The following NXPE2 variants were observed in gnomAD, a reference collection of about 807,000 sequenced individuals.
NXPE2 encodes neurexophilin and PC-esterase domain family member 2.
In NXPE2, 34 loss-of-function variants were observed where a neutral mutation model predicts 34.4. The observed-to-expected ratio is 0.99, with a 90% CI of 0.75 to 1.31. The LOEUF is 1.31. Ranked by LOEUF, NXPE2 falls within the 40% of genes most tolerant of loss-of-function variation. The pLI is 0.00. For missense variants in NXPE2, 649 were observed against 672.5 expected (o/e 0.97, Z 0.39); for synonymous variants, 235 against 231.3 (o/e 1.02, Z -0.15).
the NXPE2 span, among the ~76,000 whole-genome samples, chr11:114,521,392 A>G: frequency 6.6e-6 from 1 of 151,594 alleles, no homozygotes; most frequent in South Asian, 2.1e-4. Flanking sequence ...CAATGAAGAG[A>G]CTCCTTTGGG....
the NXPE2 span, among the ~76,000 whole-genome samples, chr11:114,621,409 C>T: frequency 3.3e-5 from 5 of 152,216 alleles, no homozygotes; most frequent in East Asian, 1.9e-4. Flanking sequence ...CCACAGTTAC[C>T]CTGTGGATAA....
At chr11:114,676,218 C>T (rs1311872426), upstream of NXPE2, among the ~76,000 whole-genome samples, 1 of 151,618 alleles carries the variant, frequency 6.6e-6, no homozygotes, top group African/African-American at 2.4e-5. Context: ...GATATGACTC[C>T]AAAAGCACAG....
At chr11:114,675,035 G>A (rs1198666446), upstream of NXPE2, among the ~76,000 whole-genome samples, 1 of 151,588 alleles carries the variant, frequency 6.6e-6, no homozygotes, top group Non-Finnish European at 1.5e-5. Context: ...CATATTAACA[G>A]AATGCAGGAT....
chr11:114,711,114 C>T (rs894592535), downstream of NXPE2, among the ~76,000 whole-genome samples: 5 of 152,110 alleles, frequency 3.3e-5, no homozygotes, highest in African/African-American at 4.8e-5. Context: ...AAGCCATACA[C>T]GAAAAGCCCA....
chr11:114,538,295 C>T, the NXPE2 span, among the ~76,000 whole-genome samples: 49 of 152,214 alleles, frequency 3.2e-4, no homozygotes, highest in African/African-American at 1.2e-3. Context: ...GGATTAAAGA[C>T]TTACATGTTT....
chr11:114,785,866 T>C, the NXPE2 span, among the ~76,000 whole-genome samples: 1 of 152,332 alleles, frequency 6.6e-6, no homozygotes, highest in East Asian at 1.9e-4. Context: ...ATTATTGCAC[T>C]TCCCAGGTGA....
chr11:114,618,617 G>T, the NXPE2 span, among the ~76,000 whole-genome samples: 160 of 152,084 alleles, frequency 1.1e-3, 1 homozygote, highest in Middle Eastern at 0.014. Flanking sequence ...AATAAGTATT[G>T]CCTTGTGAGT....
At chr11:114,675,957 C>G (rs1460872906), upstream of NXPE2, among the ~76,000 whole-genome samples, 1 of 151,818 alleles carries the variant, frequency 6.6e-6, no homozygotes, top group African/African-American at 2.4e-5. Context: ...TGTTTACAGT[C>G]AACTGATTTT....
At chr11:114,702,740 G>A (rs1815555474) in intron 3 of NXPE2, among the ~76,000 whole-genome samples, 1 of 152,078 alleles carries the variant, frequency 6.6e-6, no homozygotes, top group South Asian at 2.1e-4. Flanking sequence ...AAGTCAATGG[G>A]CCATAGTGCT....
chr11:114,618,688 GA>G, the NXPE2 span, among the ~76,000 whole-genome samples: 1 of 152,060 alleles, frequency 6.6e-6, no homozygotes. Context: ...TTACCCACTT[GA>G]TAATAAGTGC....
chr11:114,571,239 T>G, the NXPE2 span: 27 of 1,613,904 alleles, frequency 1.7e-5, no homozygotes, highest in Admixed American at 1.7e-5. Context: ...GATAAAAACA[T>G]CAATGGGAAA....
At chr11:114,778,730 G>C in the NXPE2 span, among the ~76,000 whole-genome samples, 5 of 152,172 alleles carry the variant, frequency 3.3e-5, no homozygotes, top group Non-Finnish European at 7.3e-5. Context: ...GTCCATCAAA[G>C]GCACTTGGAG....
chr11:114,491,345 C>G, the NXPE2 span, among the ~76,000 whole-genome samples: 1 of 151,694 alleles, frequency 6.6e-6, no homozygotes, highest in Non-Finnish European at 1.5e-5. Context: ...AAAAAGTGGG[C>G]GAAGGATATG....
chr11:114,583,469 A>C, the NXPE2 span: 20 of 662,158 alleles, frequency 3.0e-5, no homozygotes, highest in Admixed American at 3.6e-4. Context: ...TGATGACTAC[A>C]TTAAATTCTT....
the NXPE2 span, chr11:114,530,091 G>T: frequency 1.4e-6 from 2 of 1,382,186 alleles, no homozygotes; most frequent in Middle Eastern, 2.4e-4. Flanking sequence ...TCTGAGTCAT[G>T]CTCAATGTTG....
At chr11:114,491,562 G>T in the NXPE2 span, among the ~76,000 whole-genome samples, 29 of 152,302 alleles carry the variant, frequency 1.9e-4, no homozygotes, top group African/African-American at 6.7e-4. Flanking sequence ...TTGTTGGTGG[G>T]ACTGTAAACT....
At chr11:114,738,112 A>C in the NXPE2 span, among the ~76,000 whole-genome samples, 1 of 152,122 alleles carries the variant, frequency 6.6e-6, no homozygotes, top group Non-Finnish European at 1.5e-5. Flanking sequence ...AGACTGGAGA[A>C]CATGGCTCCC....
At chr11:114,490,373 A>T in the NXPE2 span, among the ~76,000 whole-genome samples, 1 of 152,230 alleles carries the variant, frequency 6.6e-6, no homozygotes, top group Non-Finnish European at 1.5e-5. Context: ...TATGGAACCA[A>T]AAAAGAGCTC....
chr11:114,733,056 G>A, the NXPE2 span, among the ~76,000 whole-genome samples: 5 of 151,998 alleles, frequency 3.3e-5, no homozygotes, highest in African/African-American at 4.8e-5. Context: ...TGAATTCAGT[G>A]TCTTTTTTTG....
Sources: allele counts gnomAD v4.1 joint callset (sites outside exome capture counted in the v4.1 genomes callset), GRCh38; gene constraint gnomAD v4.1.1; transcripts MANE v1.5; gene names NCBI Gene and HGNC (gene_info 2026-07-23, HGNC 2026-07-21).